The following TRPM7 variants were observed in gnomAD, a reference collection of about 807,000 sequenced individuals.
The protein encoded by TRPM7 is transient receptor potential cation channel subfamily M member 7.
TRPM7 carries 134 observed loss-of-function variants against 229.7 expected under a neutral mutation model. The observed-to-expected ratio is 0.58, with a 90% CI of 0.51 to 0.67. The LOEUF is 0.67. TRPM7 is among the 30% of genes least tolerant of loss of function. TRPM7 has a pLI of 0.00. For synonymous variants in TRPM7, 699 were observed against 715.2 expected, an observed-to-expected ratio of 0.98 and a Z score of 0.36; for missense variants, 1,901 against 2,210.0, an observed-to-expected ratio of 0.86 and a Z score of 2.80.
At chr15:50,611,423 C>T (rs2060059332) in intron 16 of TRPM7, 102 bp from the exon 17 acceptor site, 2 of 831,920 alleles carry the variant, frequency 2.4e-6, no homozygotes, top group South Asian at 3.6e-5. Flanking sequence ...AATATTCTCA[C>T]ACACACTTAC....
chr15:50,650,334 T>A (rs1329772524), intron 3 of TRPM7, among the ~76,000 whole-genome samples: 1 of 151,596 alleles, frequency 6.6e-6, no homozygotes. Context: ...AGAGTAGAGA[T>A]CTCATAACAC....
intron 6 of TRPM7, among the ~76,000 whole-genome samples, chr15:50,638,214 C>A (rs2060967897): frequency 6.6e-6 from 1 of 150,956 alleles, no homozygotes. Flanking sequence ...AAAAAATTAG[C>A]CGGGCGTGGT....
At chr15:50,622,140 TAAGTA>T (rs1170770261) in intron 12 of TRPM7, among the ~76,000 whole-genome samples, 1 of 152,230 alleles carries the variant, frequency 6.6e-6, no homozygotes, top group Non-Finnish European at 1.5e-5. Context: ...TTAGAAATTT[TAAGTA>T]AATATAACTG....
intron 4 of TRPM7, 59 bp from the exon 5 acceptor site, chr15:50,643,612 G>T: frequency 7.0e-7 from 1 of 1,419,194 alleles, no homozygotes; most frequent in Non-Finnish European, 9.7e-7. Flanking sequence ...TTCATAATGT[G>T]ACATTATATG....
At chr15:50,585,047 TGTA>T (rs1477824136) in intron 28 of TRPM7, among the ~76,000 whole-genome samples, 1 of 132,720 alleles carries the variant, frequency 7.5e-6, no homozygotes, top group African/African-American at 2.9e-5. Flanking sequence ...AGCTAATTTT[TGTA>T]TTTTTTTTTT....
chr15:50,607,399 A>G, intron 19 of TRPM7, 71 bp from the exon 20 acceptor site: 1 of 1,301,728 alleles, frequency 7.7e-7, no homozygotes, highest in South Asian at 1.6e-5. Context: ...GAACATTTTC[A>G]AACACACACA....
intron 38 of TRPM7, among the ~76,000 whole-genome samples, chr15:50,569,553 T>C (rs1365674615): frequency 6.6e-6 from 1 of 152,162 alleles, no homozygotes; most frequent in Non-Finnish European, 1.5e-5. Context: ...ATCAGTCCTG[T>C]AACTCCCTGC....
intron 23 of TRPM7, among the ~76,000 whole-genome samples, chr15:50,596,011 G>A (rs184384570): frequency 5.9e-5 from 9 of 152,192 alleles, no homozygotes; most frequent in Admixed American, 5.2e-4. Context: ...GTTGGCAACC[G>A]AGGAAAAATC....
At chr15:50,572,883 A>G (rs1277299387) in intron 36 of TRPM7, among the ~76,000 whole-genome samples, 1 of 152,210 alleles carries the variant, frequency 6.6e-6, no homozygotes, top group Non-Finnish European at 1.5e-5. Context: ...CATGTGATTT[A>G]AAATCTGGTC....
At chr15:50,674,329 A>G (rs2062050142) in intron 1 of TRPM7, among the ~76,000 whole-genome samples, 1 of 152,062 alleles carries the variant, frequency 6.6e-6, no homozygotes, top group African/African-American at 2.4e-5. Flanking sequence ...ATGAGGTTTC[A>G]CCATGTTGGT....
At chr15:50,579,669 G>A (rs1428594873) in intron 30 of TRPM7, among the ~76,000 whole-genome samples, 1 of 152,166 alleles carries the variant, frequency 6.6e-6, no homozygotes, top group Non-Finnish European at 1.5e-5. Flanking sequence ...TCCTTGAAGA[G>A]GTCTGACTAT....
chr15:50,577,782 A>T (rs929909538), intron 31 of TRPM7, among the ~76,000 whole-genome samples: 1 of 152,236 alleles, frequency 6.6e-6, no homozygotes, highest in African/African-American at 2.4e-5. Context: ...GCAGCAAGTC[A>T]TAATAGCCAT....
At chr15:50,641,832 T>G (rs139765837) in intron 5 of TRPM7, among the ~76,000 whole-genome samples, 1 of 152,106 alleles carries the variant, frequency 6.6e-6, no homozygotes, top group African/African-American at 2.4e-5. Flanking sequence ...AAACCCCATC[T>G]CTAGTAAAAA....
intron 1 of TRPM7, among the ~76,000 whole-genome samples, chr15:50,678,327 TCAACATGCCTGCCAAGGGTGAC>T (rs1253370500): frequency 1.3e-5 from 2 of 149,826 alleles, no homozygotes; most frequent in Non-Finnish European, 3.0e-5. Flanking sequence ...TGTACATGGG[TCAACATGCCTGCCAAGGGTGAC>T]CAACATGCCT....
intron 22 of TRPM7, among the ~76,000 whole-genome samples, chr15:50,596,936 G>C (rs1462505532): frequency 1.3e-5 from 2 of 152,152 alleles, no homozygotes; most frequent in African/African-American, 2.4e-5. Context: ...TTTTAGTAGA[G>C]ACCGGATTTC....
At chr15:50,582,545 C>T (rs1025331759) in intron 29 of TRPM7, 1 of 152,126 alleles carries the variant, frequency 6.6e-6, no homozygotes, top group African/African-American at 2.4e-5. Flanking sequence ...AAGAGTCCCT[C>T]CAGAAAGGAG....
At chr15:50,662,898 T>C in intron 2 of TRPM7, 69 bp downstream of exon 2, 1 of 1,125,106 alleles carries the variant, frequency 8.9e-7, no homozygotes, top group Non-Finnish European at 1.3e-6. Context: ...TTGTTTCCAA[T>C]AAAGAAATAA....
At chr15:50,565,669 T>C (rs1203635221) in intron 38 of TRPM7, among the ~76,000 whole-genome samples, 1 of 152,124 alleles carries the variant, frequency 6.6e-6, no homozygotes, top group Non-Finnish European at 1.5e-5. Flanking sequence ...TTCTAGTTAA[T>C]CAATAGAACT....
intron 38 of TRPM7, among the ~76,000 whole-genome samples, chr15:50,563,790 T>C (rs1293745906): frequency 2.6e-5 from 4 of 152,162 alleles, no homozygotes; most frequent in African/African-American, 4.8e-5. Context: ...TAAAACATGA[T>C]GGCATTTTTT....
Sources: gnomAD v4.1 joint callset for allele counts (sites outside exome capture counted in the v4.1 genomes callset) on GRCh38, gnomAD v4.1.1 for gene constraint, MANE v1.5 for transcripts, NCBI Gene and HGNC (gene_info 2026-07-23, HGNC 2026-07-21) for gene names.